AQP9: variants seen among roughly 807,000 people sequenced by gnomAD.
AQP9 encodes aquaporin-9.
In AQP9, 19 loss-of-function variants were observed where a neutral mutation model predicts 23.8. That is an observed-to-expected ratio of 0.80 (90% CI 0.56 to 1.17). The LOEUF (loss-of-function observed/expected upper bound fraction) is 1.17, where lower values mean the gene tolerates loss of function less well. Ranked by LOEUF, AQP9 falls within the 50% of genes most tolerant of loss-of-function variation. AQP9 has a pLI of 0.00. For missense variants in AQP9, 413 were observed against 362.0 expected (o/e 1.14, Z -1.14); for synonymous variants, 153 against 131.5 (o/e 1.16, Z -1.12).
chr15:58,140,863 A>G (rs910688571), intron 1 of AQP9, among the ~76,000 whole-genome samples: 2 of 152,070 alleles, frequency 1.3e-5, no homozygotes, highest in South Asian at 2.1e-4. Flanking sequence ...ATCTAACACC[A>G]TGGTATAAAT....
intron 1 of AQP9, 103 bp downstream of exon 1, chr15:58,138,779 G>T: frequency 2.1e-6 from 2 of 947,478 alleles, no homozygotes; most frequent in East Asian, 2.5e-5. Context: ...TAAGTTAATT[G>T]GGATCAGATT....
intron 1 of AQP9, among the ~76,000 whole-genome samples, chr15:58,143,885 T>G (rs551183911): frequency 6.6e-6 from 1 of 152,344 alleles, no homozygotes; most frequent in South Asian, 2.1e-4. Flanking sequence ...CTAGGGTATG[T>G]GCATCCTCAA....
rs1333342151 is a variant in AQP9, at chr15:58,185,823, A to G, written c.*1688A>G. On this transcript the variant is annotated 3_prime_UTR_variant, in exon 6 of 6. Transcript: ENST00000219919. Reference sequence around the variant, plus strand: ...AAATGTTTCTGATGACTTATGTTCTACAATCTATGGACATACGGGATTTTT... The same window carrying G: ...AAATGTTTCTGATGACTTATGTTCTGCAATCTATGGACATACGGGATTTTT... The G allele has an allele frequency of 2.0e-5, 3 of 152,238 alleles. No homozygotes were observed. Among genetic ancestry groups the G allele is most frequent in the Admixed American group, 6.5e-5 (1 of 15,280 alleles). The allele number at this position is 152,238 out of a possible 1,614,324, so 9.4% of individuals were successfully genotyped here.
chr15:58,138,644 C>T lies in AQP9; in HGVS notation c.79C>T (p.Leu27Phe), dbSNP rs370409793. ...VLKSSLAKET[L>F]SEFLGTFILI... is the part of the protein sequence containing the mutation. ...GAAGAGCAGCTTAGCGAAAGAAACC[C>T]TCTCTGAGTTCTTGGGCACGTTCAT... The change falls in exon 1 of 6, where the codon CTC becomes TTC. Residue 27 changes from leucine to phenylalanine, a missense_variant. Transcript: ENST00000219919. 1.9e-6 allele frequency: 3 copies of T among 1,613,796 alleles called. No individual in the cohort carries two copies. Among genetic ancestry groups the T allele is most frequent in the Non-Finnish European group, 2.5e-6 (3 of 1,179,748 alleles).
intron 3 of AQP9, 31 bp from the exon 4 acceptor site, chr15:58,174,887 C>A: frequency 6.3e-7 from 1 of 1,582,906 alleles, no homozygotes; most frequent in Non-Finnish European, 8.7e-7. Context: ...TCCCAGGGAA[C>A]ACTAATGTGC....
At chr15:58,154,172 C>T (rs1257742377) in intron 1 of AQP9, 1 of 152,104 alleles carries the variant, frequency 6.6e-6, no homozygotes, top group Non-Finnish European at 1.5e-5. Context: ...GGTTTTTACT[C>T]AGCCACCATC....
chr15:58,163,081 T>C (rs1458193611), intron 1 of AQP9, among the ~76,000 whole-genome samples: 2 of 152,070 alleles, frequency 1.3e-5, no homozygotes, highest in African/African-American at 2.4e-5. Context: ...AGAAAGGCAG[T>C]TGGGTGGGTT....
At chr15:58,169,893 C>T (rs1344534566) in intron 2 of AQP9, among the ~76,000 whole-genome samples, 1 of 152,084 alleles carries the variant, frequency 6.6e-6, no homozygotes, top group African/African-American at 2.4e-5. Flanking sequence ...GCTTTCATTA[C>T]AAAATATAGG....
chr15:58,182,637 T>G (rs796804655), intron 5 of AQP9, among the ~76,000 whole-genome samples: 7 of 152,262 alleles, frequency 4.6e-5, no homozygotes, highest in African/African-American at 1.7e-4. Flanking sequence ...ACCCTCCATG[T>G]GCCTCCCCTA....
intron 5 of AQP9, among the ~76,000 whole-genome samples, chr15:58,180,682 C>A (rs866387911): frequency 1.3e-5 from 2 of 152,184 alleles, no homozygotes; most frequent in Non-Finnish European, 2.9e-5. Flanking sequence ...AGGTGGGCAA[C>A]TGTTCCCCAG....
intron 1 of AQP9, among the ~76,000 whole-genome samples, chr15:58,157,144 A>C (rs1443875126): frequency 6.6e-6 from 1 of 152,190 alleles, no homozygotes; most frequent in African/African-American, 2.4e-5. Context: ...TTTAATGACA[A>C]AATATCTACT....
chr15:58,149,748 G>A (rs553687038), intron 1 of AQP9, among the ~76,000 whole-genome samples: 2 of 152,340 alleles, frequency 1.3e-5, no homozygotes, highest in South Asian at 4.1e-4. Flanking sequence ...GGTTTGCAGA[G>A]AGTGCTGTGC....
chr15:58,164,811 A>G (rs1898463079), intron 1 of AQP9, among the ~76,000 whole-genome samples: 1 of 152,040 alleles, frequency 6.6e-6, no homozygotes, highest in Admixed American at 6.5e-5. Flanking sequence ...TTTGTAACTT[A>G]TTCTCCTCTA....
rs886425850 is a variant in AQP9 at position 58,158,951 on chromosome 15, C to G, written c.112-7722C>G. On this transcript the variant is annotated intron_variant, in intron 1 of 5. Coordinates refer to ENST00000219919, the MANE Select transcript of AQP9 (RefSeq NM_020980.5). ...TGAAAGGGCTCAGTTCTTACATACT[C>G]ACCGAACAAATATTTATTGAGTGTC... Among the ~76,000 whole-genome samples the G allele has an allele frequency of 2.6e-5, 4 of 152,164 alleles. No homozygotes were observed. The East Asian group carries it at 7.7e-4, about 29-fold the overall frequency.
rs148872883 is a variant in AQP9, at chr15:58,173,186, C to T, written c.357C>T (p.Thr119=). 619 of 1,614,088 alleles carry T rather than the reference C, an allele frequency of 3.8e-4. 2 individuals carry two copies. In the African/African-American group the frequency reaches 6.5e-3, roughly 17 times the overall value. The change falls in exon 3 of 6, where the codon ACC becomes ACT. Residue 119 remains threonine, a synonymous_variant. Coordinates refer to ENST00000219919, the MANE Select transcript of AQP9 (RefSeq NM_020980.5). ...TGGGAGCCTTTGTGGGGGCTGCAAC[C>T]GTCTTTGGCATTTACTATGGTGAGT... ...QFLGAFVGAA[T]VFGIYYDGLM... is the part of the protein sequence containing the mutation.
At chr15:58,179,452 G>A (rs529801588) in intron 5 of AQP9, 107 bp downstream of exon 5, 552 of 926,994 alleles carry the variant, frequency 6.0e-4, no homozygotes, top group Non-Finnish European at 8.3e-4. Context: ...CAGCGCCAAC[G>A]TTAACTGCAC....
At position 58,166,654 on chromosome 15, in the gene AQP9, AG is replaced by A; in HGVS notation, c.112-18del. The A allele has an allele frequency of 6.3e-7, 1 of 1,598,654 alleles. No individual in the cohort carries two copies. Among genetic ancestry groups the A allele is most frequent in the Non-Finnish European group, 8.5e-7 (1 of 1,172,860 alleles). On this transcript the variant is annotated intron_variant, in intron 1 of 5. Coordinates refer to ENST00000219919, the MANE Select transcript of AQP9 (RefSeq NM_020980.5). ...AGTAGCCATCCCCACTTACCTGTTG[AG>A]TTTTCCTCTCATTCCAGGTCCTTGG...
At chr15:58,146,242 G>A (rs1898041775) in intron 1 of AQP9, among the ~76,000 whole-genome samples, 1 of 151,900 alleles carries the variant, frequency 6.6e-6, no homozygotes, top group South Asian at 2.1e-4. Context: ...TGGTATGCAT[G>A]TTGACTCTGT....
At position 58,139,007 on chromosome 15, in the gene AQP9, G is replaced by T. The variant is rs547258477; in HGVS notation, c.111+331G>T. Among the ~76,000 whole-genome samples the T allele has an allele frequency of 4.6e-5, 7 of 152,268 alleles. No homozygotes were observed. In the South Asian group the frequency reaches 1.5e-3, roughly 32 times the overall value. On this transcript the variant is annotated intron_variant, in intron 1 of 5. Transcript: ENST00000219919. ...TCGTTAGTGTTTTCATTGATCAATTGATTTGTACCCTGCTTGCTTCCTCCA... is the reference window on the plus strand; with the variant it reads ...TCGTTAGTGTTTTCATTGATCAATTTATTTGTACCCTGCTTGCTTCCTCCA...
Sources: allele counts gnomAD v4.1 joint callset (sites outside exome capture counted in the v4.1 genomes callset), GRCh38; gene constraint gnomAD v4.1.1; transcripts MANE v1.5; gene names NCBI Gene and HGNC (gene_info 2026-07-23, HGNC 2026-07-21).